Variants in CEP83 observed in about 807,000 individuals in gnomAD.
CEP83 encodes centrosomal protein of 83 kDa.
CEP83 carries 70 observed loss-of-function variants against 101.9 expected under a neutral mutation model. That is an observed-to-expected ratio of 0.69 (90% CI 0.57 to 0.84). The LOEUF is 0.84. Among genes scored for constraint, CEP83 ranks in the 40% least tolerant of loss-of-function variants. The pLI is 0.00. For missense variants in CEP83, 715 were observed against 787.2 expected (o/e 0.91, Z 1.10); for synonymous variants, 264 against 267.9 (o/e 0.99, Z 0.14).
chr12:94,348,474 G>A (rs2060044696), intron 11 of CEP83, among the ~76,000 whole-genome samples: 1 of 152,084 alleles, frequency 6.6e-6, no homozygotes, highest in Non-Finnish European at 1.5e-5. Flanking sequence ...TTGAAGTGTA[G>A]TCTTCTCTTA....
chr12:94,382,074 A>G (rs1191510587), intron 6 of CEP83, among the ~76,000 whole-genome samples: 2 of 152,092 alleles, frequency 1.3e-5, no homozygotes, highest in African/African-American at 4.8e-5. Flanking sequence ...ATTTCACATT[A>G]AATGAGTTGT....
intron 11 of CEP83, among the ~76,000 whole-genome samples, chr12:94,344,351 G>A (rs775688232): frequency 7.2e-5 from 11 of 152,060 alleles, no homozygotes; most frequent in African/African-American, 1.4e-4. Flanking sequence ...TTACCAATAA[G>A]AATGAAAGAA....
At chr12:94,336,327 T>C (rs1430204861) in intron 11 of CEP83, among the ~76,000 whole-genome samples, 1 of 152,202 alleles carries the variant, frequency 6.6e-6, no homozygotes, top group Non-Finnish European at 1.5e-5. Flanking sequence ...AGGAAGACAT[T>C]ACACTAATTA....
chr12:94,406,392 A>G (rs1223228690), intron 4 of CEP83, among the ~76,000 whole-genome samples: 1 of 152,118 alleles, frequency 6.6e-6, no homozygotes, highest in Non-Finnish European at 1.5e-5. Flanking sequence ...AGCATTTTAA[A>G]AACAAAGTTC....
chr12:94,296,848 G>T, the CEP83 span, among the ~76,000 whole-genome samples: 1 of 152,160 alleles, frequency 6.6e-6, no homozygotes, highest in Non-Finnish European at 1.5e-5. Context: ...GTGGGAACTG[G>T]GTCTTATTCA....
chr12:94,438,402 T>C (rs913772307), intron 1 of CEP83, among the ~76,000 whole-genome samples: 1 of 152,182 alleles, frequency 6.6e-6, no homozygotes, highest in African/African-American at 2.4e-5. Context: ...GCTATTCTTA[T>C]ATCAGACAAA....
chr12:94,309,220 A>G (rs572881111), intron 16 of CEP83, among the ~76,000 whole-genome samples: 14 of 152,296 alleles, frequency 9.2e-5, no homozygotes, highest in Admixed American at 6.5e-4. Context: ...CTTTCCAACA[A>G]CACTGGTGTT....
chr12:94,273,393 T>C, the CEP83 span, among the ~76,000 whole-genome samples: 1 of 152,102 alleles, frequency 6.6e-6, no homozygotes, highest in African/African-American at 2.4e-5. Context: ...GAGTGAGTGA[T>C]TGAAGCTTCC....
chr12:94,335,664 C>G lies in CEP83; in HGVS notation c.1344G>C (p.Arg448Ser), dbSNP rs901969513. The G allele has an allele frequency of 1.3e-6, 2 of 1,570,826 alleles. No individual in the cohort carries two copies. Among genetic ancestry groups the G allele is most frequent in the African/African-American group, 2.7e-5 (2 of 72,920 alleles). The change falls in exon 12 of 17, where the codon AGG (arginine) becomes AGC (serine). Residue 448 changes from arginine to serine, a missense_variant and splice_region_variant. Transcript: ENST00000397809. ...EITRKELQSV[R>S]LKLQQQIVTI... Reference sequence around the variant, plus strand: ...TCACAATTTGTTGCTGAAGTTTTAACCTAAAAATCACAACCCAACAAAAGG... The same window carrying G: ...TCACAATTTGTTGCTGAAGTTTTAAGCTAAAAATCACAACCCAACAAAAGG...
At chr12:94,364,565 T>G (rs2060929258) in intron 11 of CEP83, among the ~76,000 whole-genome samples, 1 of 151,834 alleles carries the variant, frequency 6.6e-6, no homozygotes, top group African/African-American at 2.4e-5. Context: ...AGGAGTTCAG[T>G]GTTACAGTGA....
intron 5 of CEP83, 105 bp from the exon 6 acceptor site, chr12:94,401,086 C>T (rs2063226165): frequency 1.8e-6 from 1 of 551,066 alleles, no homozygotes; most frequent in African/African-American, 2.0e-5. Flanking sequence ...ATGATAGCCA[C>T]TCTAAAAGTA....
At chr12:94,331,254 G>A (rs2059187661) in intron 14 of CEP83, among the ~76,000 whole-genome samples, 1 of 111,858 alleles carries the variant, frequency 8.9e-6, no homozygotes, top group African/African-American at 3.5e-5. Flanking sequence ...TTGCACCACT[G>A]CAATCCAACC....
chr12:94,302,608 T>C (rs748002408), downstream of CEP83, among the ~76,000 whole-genome samples: 9 of 152,202 alleles, frequency 5.9e-5, no homozygotes, highest in Non-Finnish European at 1.0e-4. Flanking sequence ...CACTTAATCC[T>C]CACAAGTACC....
intron 5 of CEP83, among the ~76,000 whole-genome samples, chr12:94,402,573 G>C (rs138883183): frequency 6.6e-6 from 1 of 152,098 alleles, no homozygotes; most frequent in South Asian, 2.1e-4. Context: ...TTGCCACGAC[G>C]TATCTGGAGG....
intron 2 of CEP83, among the ~76,000 whole-genome samples, chr12:94,418,019 C>T (rs2064419026): frequency 6.6e-6 from 1 of 151,996 alleles, no homozygotes; most frequent in South Asian, 2.1e-4. Context: ...CAAAGAAATA[C>T]AAGTCTCAGA....
At chr12:94,355,365 T>A (rs1405590408) in intron 11 of CEP83, among the ~76,000 whole-genome samples, 2 of 151,954 alleles carry the variant, frequency 1.3e-5, no homozygotes, top group African/African-American at 2.4e-5. Flanking sequence ...TGGTGGCAGG[T>A]GCCTGTAGTC....
chr12:94,412,637 C>A (rs1047475017), intron 2 of CEP83, 46 bp from the exon 3 acceptor site: 2 of 553,286 alleles, frequency 3.6e-6, no homozygotes, highest in East Asian at 3.4e-5. Flanking sequence ...GATCAGTAAA[C>A]GTAAGCCTCC....
At chr12:94,380,082 A>C (rs1166990303) in intron 6 of CEP83, among the ~76,000 whole-genome samples, 3 of 149,738 alleles carry the variant, frequency 2.0e-5, no homozygotes, top group African/African-American at 7.4e-5. Flanking sequence ...AAAAAAAAAA[A>C]AAAAAAAACA....
intron 14 of CEP83, among the ~76,000 whole-genome samples, chr12:94,324,515 T>C (rs903616362): frequency 6.6e-6 from 1 of 152,232 alleles, no homozygotes; most frequent in African/African-American, 2.4e-5. Context: ...TTTGTGGCTC[T>C]AATCTCATCT....
Sources: gnomAD v4.1 joint callset for allele counts (sites outside exome capture counted in the v4.1 genomes callset) on GRCh38, gnomAD v4.1.1 for gene constraint, MANE v1.5 for transcripts, NCBI Gene and HGNC (gene_info 2026-07-23, HGNC 2026-07-21) for gene names.